The following ZCCHC8 variants were observed in gnomAD, a reference collection of about 807,000 sequenced individuals.
ZCCHC8 encodes zinc finger CCHC-type containing 8.
Under a neutral mutation model 70.6 loss-of-function variants are expected in ZCCHC8, and 27 were observed. The observed-to-expected ratio is 0.38, with a 90% CI of 0.28 to 0.53. The LOEUF is 0.53. ZCCHC8 is among the 20% of genes least tolerant of loss of function. The pLI, the probability that ZCCHC8 is intolerant of heterozygous loss-of-function variation, is 0.81. For missense variants in ZCCHC8, 737 were observed against 876.9 expected, an observed-to-expected ratio of 0.84 and a Z score of 2.01; for synonymous variants, 293 against 317.4, an observed-to-expected ratio of 0.92 and a Z score of 0.82.
At chr12:122,491,532 A>C (rs1177178847) in intron 3 of ZCCHC8, among the ~76,000 whole-genome samples, 1 of 149,210 alleles carries the variant, frequency 6.7e-6, no homozygotes, top group Non-Finnish European at 1.5e-5. Flanking sequence ...TCCATCTCAA[A>C]AAAAAAAAAA....
intron 5 of ZCCHC8, among the ~76,000 whole-genome samples, chr12:122,486,859 C>T (rs183778431): frequency 3.9e-5 from 6 of 152,318 alleles, no homozygotes; most frequent in Admixed American, 6.5e-5. Context: ...TGTGAGCCGC[C>T]GTGCCAGGCC....
chr12:122,499,241 A>G (rs1205814723), intron 1 of ZCCHC8: 10 of 244,642 alleles, frequency 4.1e-5, no homozygotes, highest in African/African-American at 6.9e-5. Flanking sequence ...GAATAAATCT[A>G]TGGATGTCCA....
chr12:122,490,032 CTCTT>C (rs566977396), intron 4 of ZCCHC8, among the ~76,000 whole-genome samples: 47 of 151,498 alleles, frequency 3.1e-4, no homozygotes, highest in Admixed American at 7.9e-4. Context: ...CTCTCTCTCT[CTCTT>C]TTTTTTAAAA....
chr12:122,480,616 A>G (rs1431101776), intron 10 of ZCCHC8: 1 of 206,124 alleles, frequency 4.9e-6, no homozygotes, highest in Non-Finnish European at 9.7e-6. Flanking sequence ...GTACTACATG[A>G]ACGCACAACC....
Position 122,492,624 on chromosome 12 carries a change from T to C in ZCCHC8, c.317+91A>G, listed in dbSNP as rs1047460658. On this transcript the variant is annotated intron_variant, in intron 3 of 13. Coordinates refer to ENST00000633063, the MANE Select transcript of ZCCHC8 (RefSeq NM_017612.5). ...GGCATTTTAAGTAAAATAATAAAAA[T>C]GATATGAGTACAAATGAAAACAGCA... 4.8e-6 allele frequency: 4 copies of C among 835,862 alleles called. No individual in the cohort carries two copies. In the African/African-American group the frequency reaches 7.0e-5, roughly 15 times the overall value. The allele number at this position is 835,862 out of a possible 1,614,324, so 51.8% of individuals were successfully genotyped here. A position where few individuals can be genotyped will look rare whatever the true frequency, so the allele number is the denominator to read the frequency against.
In ZCCHC8 at chr12:122,500,780, C is replaced by A; in HGVS notation, c.61G>T (p.Glu21Ter). The change falls in exon 1 of 14, where the codon GAG becomes TAG. Residue 21 changes from glutamate (E) to a stop codon, truncating the protein, a stop_gained. Transcript: ENST00000633063. LOFTEE classifies it high-confidence loss of function. The surrounding 1 kb of genome is among the most constrained non-coding windows in gnomAD (Gnocchi z 4.8). Reference protein sequence around the residue: ...ELFEPFDHPEESIPKPVHTRF... With the variant: ...ELFEPFDHPE ...GTGTGAACGGGCTTCGGAATCGACT[C>A]CTCTGGGTGGTCGAACGGCTCGAAG... is the stretch of plus-strand genomic sequence containing the variant. 6.3e-7 allele frequency: 1 copy of A among 1,590,610 alleles called. No individual in the cohort carries two copies. The highest frequency in any genetic ancestry group is 2.3e-5 in the East Asian group (1 of 43,682).
intron 10 of ZCCHC8, 34 bp downstream of exon 10, chr12:122,481,488 C>T (rs777905526): frequency 1.9e-6 from 3 of 1,551,214 alleles, no homozygotes; most frequent in East Asian, 2.3e-5. Flanking sequence ...AAAGGAAACA[C>T]TTAAGGTGAC....
chr12:122,494,559 C>CA lies in ZCCHC8; in HGVS notation c.243-1771dup, dbSNP rs148969205. Among the ~76,000 whole-genome samples, 415 of 88,280 alleles carry CA rather than the reference C, an allele frequency of 4.7e-3. 1 individual carries two copies. Among genetic ancestry groups the CA allele is most frequent in the Middle Eastern group, 0.034 (4 of 118 alleles). The allele number at this position is 88,280 out of a possible 152,430, so 57.9% of individuals were successfully genotyped here. A position where few individuals can be genotyped will look rare whatever the true frequency, so the allele number is the denominator to read the frequency against. ...TGGGCAACACAGCGAGACTCTGTTT[C>CA]AAAAAAAAAAAAAGGGCCAGGCACG... is the stretch of plus-strand genomic sequence containing the variant. On this transcript the variant is annotated intron_variant, in intron 2 of 13. Transcript: ENST00000633063.
chr12:122,475,410 T>C (rs1957399937), intron 13 of ZCCHC8, among the ~76,000 whole-genome samples: 1 of 152,184 alleles, frequency 6.6e-6, no homozygotes, highest in Non-Finnish European at 1.5e-5. Context: ...AACTGCCCAC[T>C]GACCATCATC....
chr12:122,485,672 C>CT (rs769061586), intron 5 of ZCCHC8, among the ~76,000 whole-genome samples: 4,520 of 143,302 alleles, frequency 0.032, 83 homozygotes, highest in Non-Finnish European at 0.047. Flanking sequence ...TGACGACATC[C>CT]TTTTTTTTTT....
rs1468372354 is a variant in ZCCHC8, at chr12:122,483,022, A to G, written c.671+257T>C. The G allele has an allele frequency of 4.5e-5, 24 of 534,210 alleles. No individual in the cohort carries two copies. The highest frequency in any genetic ancestry group is 7.6e-5 in the Non-Finnish European group (23 of 304,280). 33.1% of individuals were successfully genotyped at this position (534,210 alleles called of 1,614,324 possible). A position where few individuals can be genotyped will look rare whatever the true frequency, so the allele number is the denominator to read the frequency against. ...TAACATGGAAAGAAGGCAGATGGTT[A>G]TAAGACTGCAATCAAATTGACAGCA... On this transcript the variant is annotated intron_variant, in intron 7 of 13. Transcript: ENST00000633063. The surrounding 1 kb of genome is among the most constrained non-coding windows in gnomAD (Gnocchi z 4.4).
intron 5 of ZCCHC8, among the ~76,000 whole-genome samples, chr12:122,488,323 C>T (rs1314052681): frequency 2.0e-5 from 3 of 151,938 alleles, no homozygotes; most frequent in South Asian, 4.2e-4. Flanking sequence ...TGAGCCACTT[C>T]GCCCAGCCAC....
At position 122,481,661 on chromosome 12, in the gene ZCCHC8, C is replaced by A. The variant is rs769184093; in HGVS notation, c.879G>T (p.Glu293Asp). The change falls in exon 10 of 14, where the codon GAG becomes GAT. Residue 293 changes from glutamate to aspartate, a missense_variant. Transcript: ENST00000633063. ...TCACACCTAGTGCATCTTGAAGTTC[C>A]TCACTAAGTAAAAATAAAGGAGGAA... is the stretch of plus-strand genomic sequence containing the variant. ...FGRFKPGVIS[E>D]ELQDALGVTD... The A allele has an allele frequency of 1.1e-5, 17 of 1,610,156 alleles. No individual in the cohort carries two copies. In the South Asian group the frequency reaches 1.3e-4, roughly 13 times the overall value.
Position 122,482,071 on chromosome 12 carries a change from C to A in ZCCHC8, c.749G>T (p.Arg250Leu), listed in dbSNP as rs749420661. Residue 250 changes from arginine (R) to leucine (L), a missense_variant, in exon 9 of 14, where the codon CGA becomes CTA. Coordinates refer to ENST00000633063, the MANE Select transcript of ZCCHC8 (RefSeq NM_017612.5). ...KDCPMPRNAARISEKRKEYMD... is the reference protein window; with the variant it reads ...KDCPMPRNAALISEKRKEYMD... The stretch of plus-strand genomic sequence containing the variant: ...ATACTCTTTTCTCTTTTCACTTATT[C>A]GAGCAGCATTCCGAGGCTACATCAT... The A allele has an allele frequency of 6.2e-7, 1 of 1,608,844 alleles. No homozygotes were observed.
chr12:122,497,990 C>CAAACAA (rs61323547), intron 2 of ZCCHC8, among the ~76,000 whole-genome samples: 139,396 of 150,786 alleles, frequency 0.92, 65,468 homozygotes, highest in Non-Finnish European at 1. Flanking sequence ...GATCTTGTCT[C>CAAACAA]AAACAAAAAC....
chr12:122,474,017 T>C lies in ZCCHC8; in HGVS notation c.1604A>G (p.Glu535Gly), dbSNP rs767978813. The part of the protein sequence containing the change: ...RRIWAALEQA[E>G]SVNSDSDVPV... ...AACGTCGGAGTCGCTGTTTACGCTC[T>C]CGGCCTGCTCAAGAGCTGCCCAGAT... Residue 535 changes from glutamate (E) to glycine (G), a missense_variant, in exon 14 of 14, where the codon GAG becomes GGG. Coordinates refer to ENST00000633063, the MANE Select transcript of ZCCHC8 (RefSeq NM_017612.5). 5.2e-5 allele frequency: 81 copies of C among 1,553,644 alleles called. No individual in the cohort carries two copies. Among genetic ancestry groups the C allele is most frequent in the Non-Finnish European group, 6.9e-5 (79 of 1,152,684 alleles).
Position 122,472,059 on chromosome 12 carries a change from T to A in ZCCHC8, c.*1438A>T, listed in dbSNP as rs540616537. The stretch of plus-strand genomic sequence containing the variant: ...TAGAAAATTATTTTTATACAAAGGC[T>A]AGCTGCATGCCATTCATTTTTCAAA... On this transcript the variant is annotated 3_prime_UTR_variant, in exon 14 of 14. Transcript: ENST00000633063. 1 of 152,290 alleles carries A rather than the reference T, an allele frequency of 6.6e-6. No homozygotes were observed. The highest frequency in any genetic ancestry group is 1.9e-4 in the East Asian group (1 of 5,194). 9.4% of individuals were successfully genotyped at this position (152,290 alleles called of 1,614,324 possible).
chr12:122,487,112 C>T (rs1417937955), intron 5 of ZCCHC8, among the ~76,000 whole-genome samples: 2 of 152,216 alleles, frequency 1.3e-5, no homozygotes, highest in Non-Finnish European at 1.5e-5. Context: ...TTCCTCAATG[C>T]ATCCAAGGTT....
chr12:122,488,447 T>A (rs189413394), intron 5 of ZCCHC8, among the ~76,000 whole-genome samples: 19 of 152,184 alleles, frequency 1.2e-4, no homozygotes, highest in Admixed American at 6.5e-4. Context: ...CCCAGAACAC[T>A]GGGGATTACA....
Sources: gnomAD v4.1 joint callset for allele counts (sites outside exome capture counted in the v4.1 genomes callset) on GRCh38, gnomAD v4.1.1 for gene constraint, Gnocchi (gnomAD v3.1) non-coding constraint, MANE v1.5 for transcripts, NCBI Gene and HGNC (gene_info 2026-07-23, HGNC 2026-07-21) for gene names.